Variants in KCNQ2 observed in about 807,000 individuals in gnomAD.
KCNQ2 encodes potassium voltage-gated channel subfamily KQT member 2.
Under a neutral mutation model 84.8 loss-of-function variants are expected in KCNQ2, and 14 were observed. The ratio of observed to expected loss-of-function variants is 0.17; its 90% CI spans 0.11 to 0.26. The LOEUF (loss-of-function observed/expected upper bound fraction) is 0.26. Among genes scored for constraint, KCNQ2 ranks in the 10% least tolerant of loss-of-function variants. The pLI, the probability that KCNQ2 is intolerant of heterozygous loss-of-function variation, is 1.00. For missense variants in KCNQ2, 788 were observed against 1,254.0 expected (o/e 0.63, Z 5.61); for synonymous variants, 599 against 554.1 (o/e 1.08, Z -1.14).
At chr20:63,421,728 T>C (rs1417595450) in intron 11 of KCNQ2, among the ~76,000 whole-genome samples, 1 of 151,952 alleles carries the variant, frequency 6.6e-6, no homozygotes, top group Non-Finnish European at 1.5e-5. Context: ...CAGCCGGTGT[T>C]GGGGGCTCCT....
rs528908586 is a variant in KCNQ2 at position 63,438,534 on chromosome 20, G to T, written c.1023+91C>A. On this transcript the variant is annotated intron_variant, in intron 7 of 16. Transcript: ENST00000359125. This position sits in a 1 kb window ranked among gnomAD's most constrained non-coding sequence, Gnocchi z 5.1. ...AGCGCTGTGGCCCATCCACAGACAGGGCAATGCCAAAGCCCCAGCGGCCTC... is the reference window on the plus strand; with the variant it reads ...AGCGCTGTGGCCCATCCACAGACAGTGCAATGCCAAAGCCCCAGCGGCCTC... The T allele has an allele frequency of 5.3e-5, 56 of 1,048,666 alleles. No individual in the cohort carries two copies. In the African/African-American group the frequency reaches 7.3e-4, roughly 14 times the overall value. The allele number at this position is 1,048,666 out of a possible 1,614,324, so 65.0% of individuals were successfully genotyped here. A position where few individuals can be genotyped will look rare whatever the true frequency, so the allele number is the denominator to read the frequency against.
At chr20:63,453,008 G>A (rs371848567) in intron 1 of KCNQ2, among the ~76,000 whole-genome samples, 3 of 152,324 alleles carry the variant, frequency 2.0e-5, no homozygotes, top group East Asian at 1.9e-4. Flanking sequence ...GCAGCACCGC[G>A]TGTGGAGGCC....
intron 1 of KCNQ2, among the ~76,000 whole-genome samples, chr20:63,468,534 C>T (rs1312592212): frequency 6.6e-6 from 1 of 152,196 alleles, no homozygotes; most frequent in East Asian, 1.9e-4. Context: ...TCAGCACCAC[C>T]CGAGTTCTCC....
intron 11 of KCNQ2, chr20:63,423,973 T>A: frequency 1.8e-6 from 1 of 570,246 alleles, no homozygotes; most frequent in Admixed American, 2.8e-5. Flanking sequence ...TAAAACCGAA[T>A]CACTGGGGAG....
intron 1 of KCNQ2, among the ~76,000 whole-genome samples, chr20:63,451,324 G>T (rs2081610274): frequency 6.6e-6 from 1 of 152,050 alleles, no homozygotes; most frequent in African/African-American, 2.4e-5. Flanking sequence ...CCTCTGTCTT[G>T]TGTCTTTTTC....
chr20:63,414,923 G>A lies in KCNQ2; in HGVS notation c.1505C>T (p.Ala502Val), dbSNP rs375264483. 5.9e-5 allele frequency: 95 copies of A among 1,612,570 alleles called. No homozygotes were observed. The highest frequency in any genetic ancestry group is 8.0e-5 in the Non-Finnish European group (94 of 1,179,944). Residue 502 changes from alanine to valine, a missense_variant, in exon 13 of 17, where the codon GCG becomes GTG. By Grantham distance (64) the Ala-to-Val change is moderately conservative (BLOSUM62 0). Coordinates refer to ENST00000359125, the MANE Select transcript of KCNQ2 (RefSeq NM_172107.4). This position sits in a 1 kb window ranked among gnomAD's most constrained non-coding sequence, Gnocchi z 6.6. ...ARQAFRIKGA[A>V]SRQNSEEASL... ...CCCACCTTCTGAGTTCTGCCGTGAC[G>A]CGGCACCCTTGATGCGGAAAGCCTG...
chr20:63,411,353 G>A (rs2080115436), intron 15 of KCNQ2, among the ~76,000 whole-genome samples: 1 of 152,246 alleles, frequency 6.6e-6, no homozygotes, highest in Admixed American at 6.5e-5. Context: ...GGTGCTGAGG[G>A]GCAGGTCAGT....
intron 8 of KCNQ2, among the ~76,000 whole-genome samples, chr20:63,432,754 ACAGGGAAGGCTCCACCCT>A (rs1568914384): frequency 1.6e-4 from 13 of 81,824 alleles, no homozygotes; most frequent in East Asian, 5.9e-4. Context: ...GGCTCCACCC[ACAGGGAAGGCTCCACCCT>A]CAGGGAAGGC....
intron 12 of KCNQ2, among the ~76,000 whole-genome samples, chr20:63,418,202 C>T (rs879908937): frequency 1.1e-4 from 17 of 152,228 alleles, no homozygotes; most frequent in Admixed American, 3.3e-4. Flanking sequence ...AACAAGCGCA[C>T]GCGAAAAGCT....
rs2080206586 is a variant in KCNQ2, at chr20:63,414,011, C to T, written c.1631+77G>A. The T allele has an allele frequency of 2.8e-6, 3 of 1,085,048 alleles. No individual in the cohort carries two copies. Among genetic ancestry groups the T allele is most frequent in the South Asian group, 1.3e-5 (1 of 79,926 alleles). The allele number at this position is 1,085,048 out of a possible 1,614,324, so 67.2% of individuals were successfully genotyped here. ...GGGCGGCTCTGTCCAGCACCATGAG[C>T]ACCGGCAGCAGGCAGGACCACCGAG... On this transcript the variant is annotated intron_variant, in intron 14 of 16. Transcript: ENST00000359125. This position sits in a 1 kb window ranked among gnomAD's most constrained non-coding sequence, Gnocchi z 6.6.
At chr20:63,412,062 C>T (rs1160434991) in intron 15 of KCNQ2, 5 of 558,452 alleles carry the variant, frequency 9.0e-6, no homozygotes, top group African/African-American at 4.0e-5. Context: ...AAGTCCTTCC[C>T]GTGTTTCAAG....
chr20:63,468,603 C>T (rs955459417), intron 1 of KCNQ2, among the ~76,000 whole-genome samples: 5 of 152,230 alleles, frequency 3.3e-5, no homozygotes, highest in Non-Finnish European at 7.3e-5. Flanking sequence ...ATAGGCCCTC[C>T]GTCCCAGGCC....
At chr20:63,447,182 CTCAG>C (rs1361665298) in intron 1 of KCNQ2, among the ~76,000 whole-genome samples, 1 of 152,116 alleles carries the variant, frequency 6.6e-6, no homozygotes, top group Non-Finnish European at 1.5e-5. Context: ...CTCCAAAACT[CTCAG>C]TCAAATGGGA....
chr20:63,413,584 G>T lies in KCNQ2; in HGVS notation c.1632-3C>A, dbSNP rs765708117. ...TGGACACCAGGAACCGCATGACACTGCAGGGGGGTGGGTGGGGCTGTGAGC... is the reference window on the plus strand; with the variant it reads ...TGGACACCAGGAACCGCATGACACTTCAGGGGGGTGGGTGGGGCTGTGAGC... On this transcript the variant is annotated splice_region_variant and splice_polypyrimidine_tract_variant and intron_variant, in intron 14 of 16. Coordinates refer to ENST00000359125, the MANE Select transcript of KCNQ2 (RefSeq NM_172107.4). 1 of 1,611,376 alleles carries T rather than the reference G, an allele frequency of 6.2e-7. No homozygotes were observed.
chr20:63,461,951 C>T (rs1335811483), intron 1 of KCNQ2, among the ~76,000 whole-genome samples: 1 of 127,800 alleles, frequency 7.8e-6, no homozygotes, highest in East Asian at 2.6e-4. Flanking sequence ...GAGGAGGCTG[C>T]ATCTACCCCA....
chr20:63,441,035 C>T (rs1434675907), intron 5 of KCNQ2, among the ~76,000 whole-genome samples: 3 of 147,408 alleles, frequency 2.0e-5, no homozygotes, highest in South Asian at 2.2e-4. Context: ...TGGCGTGATC[C>T]CGGCTCACTG....
At chr20:63,443,242 C>T (rs1339131211) in intron 4 of KCNQ2, among the ~76,000 whole-genome samples, 28 of 95,272 alleles carry the variant, frequency 2.9e-4, no homozygotes, top group African/African-American at 1.1e-3. Flanking sequence ...ACCATCACCA[C>T]CATCACATCA....
intron 4 of KCNQ2, among the ~76,000 whole-genome samples, chr20:63,442,764 C>T (rs923254319): frequency 2.1e-4 from 13 of 61,414 alleles, no homozygotes; most frequent in Admixed American, 6.7e-4. Context: ...ACCATCACCA[C>T]CATCACCATC....
chr20:63,467,325 A>C (rs990313235), intron 1 of KCNQ2, among the ~76,000 whole-genome samples: 1 of 152,182 alleles, frequency 6.6e-6, no homozygotes, highest in Non-Finnish European at 1.5e-5. Context: ...TCATCTCCCC[A>C]CACTGGAAGC....
Sources: gnomAD v4.1 joint callset for allele counts (sites outside exome capture counted in the v4.1 genomes callset) on GRCh38, gnomAD v4.1.1 for gene constraint, Gnocchi (gnomAD v3.1) non-coding constraint, MANE v1.5 for transcripts, NCBI Gene and HGNC (gene_info 2026-07-23, HGNC 2026-07-21) for gene names.